SEMA5A: variants seen among roughly 807,000 people sequenced by gnomAD.
The protein encoded by SEMA5A is semaphorin 5A.
Under a neutral mutation model 135.5 loss-of-function variants are expected in SEMA5A, and 55 were observed. The ratio of observed to expected loss-of-function variants is 0.41; its 90% confidence interval spans 0.33 to 0.51. SEMA5A has a LOEUF of 0.51. Ranked by LOEUF, SEMA5A falls within the 20% of genes least tolerant of loss-of-function variation. SEMA5A has a pLI of 0.37. For synonymous variants in SEMA5A, 580 were observed against 546.5 expected (o/e 1.06, Z -0.85); for missense variants, 1,290 against 1,419.9 (o/e 0.91, Z 1.47).
rs786844 is a variant in SEMA5A, at chr5:9,040,001, C to G, written c.*2896G>C. 0.77 allele frequency: 116,436 copies of G among 152,176 alleles called. 44,818 individuals are homozygous for G. Among genetic ancestry groups the G allele is most frequent in the East Asian group, 0.95 (4,897 of 5,178 alleles). The allele number at this position is 152,176 out of a possible 1,614,324, so 9.4% of individuals were successfully genotyped here. A position where few individuals can be genotyped will look rare whatever the true frequency, so the allele number is the denominator to read the frequency against. On this transcript the variant is annotated 3_prime_UTR_variant, in exon 23 of 23. Coordinates refer to ENST00000382496, the MANE Select transcript of SEMA5A (RefSeq NM_003966.3). ...TTTAAATGTAAGACTAAAGCCAAGCCAGCTTCCTCATGAAAACCAGCCTAT... is the reference window on the plus strand; with the variant it reads ...TTTAAATGTAAGACTAAAGCCAAGCGAGCTTCCTCATGAAAACCAGCCTAT...
intron 2 of SEMA5A, among the ~76,000 whole-genome samples, chr5:9,405,981 T>C (rs1031986800): frequency 6.6e-6 from 1 of 152,158 alleles, no homozygotes; most frequent in African/African-American, 2.4e-5. Context: ...GGGACCTGTC[T>C]TTACCCAACA....
intron 1 of SEMA5A, among the ~76,000 whole-genome samples, chr5:9,441,917 C>T (rs3822796): frequency 0.18 from 28,093 of 152,116 alleles, 2,925 homozygotes; most frequent in African/African-American, 0.28. Context: ...CAAAGGAAGG[C>T]AGAGTCACTG....
chr5:9,140,274 A>AT, intron 12 of SEMA5A, among the ~76,000 whole-genome samples: 1 of 152,356 alleles, frequency 6.6e-6, no homozygotes, highest in Admixed American at 6.5e-5. Flanking sequence ...ACACATAAAA[A>AT]TTTTCTCAAT....
intron 1 of SEMA5A, among the ~76,000 whole-genome samples, chr5:9,473,383 T>TAAAAAAAAAAAA (rs58137756): frequency 1.3e-5 from 1 of 79,700 alleles, no homozygotes. Flanking sequence ...CAATCAGTGG[T>TAAAAAAAAAAAA]AAAAAAAAAA....
intron 16 of SEMA5A, among the ~76,000 whole-genome samples, chr5:9,104,198 G>C (rs1179684421): frequency 6.6e-6 from 1 of 152,104 alleles, no homozygotes; most frequent in Admixed American, 6.5e-5. Context: ...TTCTCAGGCT[G>C]ATTTTTTTTC....
chr5:9,198,172 T>C (rs1745520690), intron 9 of SEMA5A, among the ~76,000 whole-genome samples: 1 of 152,204 alleles, frequency 6.6e-6, no homozygotes, highest in African/African-American at 2.4e-5. Flanking sequence ...GCATTTCTCA[T>C]CAATTTTCTT....
At chr5:9,311,925 T>C (rs1752155204) in intron 5 of SEMA5A, among the ~76,000 whole-genome samples, 1 of 152,084 alleles carries the variant, frequency 6.6e-6, no homozygotes, top group Non-Finnish European at 1.5e-5. Context: ...ATCCCAGCAT[T>C]TGTGAGTGAG....
At chr5:9,524,559 G>T (rs1436665694) in intron 1 of SEMA5A, among the ~76,000 whole-genome samples, 1 of 152,148 alleles carries the variant, frequency 6.6e-6, no homozygotes, top group African/African-American at 2.4e-5. Context: ...GAACCAATCT[G>T]CTAACAACTT....
intron 16 of SEMA5A, among the ~76,000 whole-genome samples, chr5:9,107,380 T>C (rs1008463284): frequency 8.6e-5 from 13 of 151,394 alleles, no homozygotes; most frequent in Non-Finnish European, 1.6e-4. Context: ...AAAAAAAACA[T>C]GCATTCTCTT....
At chr5:9,209,964 C>T (rs1448609520) in intron 8 of SEMA5A, among the ~76,000 whole-genome samples, 1 of 152,208 alleles carries the variant, frequency 6.6e-6, no homozygotes, top group Admixed American at 6.5e-5. Flanking sequence ...CACTAGGAAA[C>T]TGCTAGAATC....
chr5:9,318,317 C>T, intron 5 of SEMA5A, 55 bp downstream of exon 5: 1 of 1,528,068 alleles, frequency 6.5e-7, no homozygotes, highest in East Asian at 2.2e-5. Flanking sequence ...TCCCCTCAAA[C>T]AGTGAGTTAA....
chr5:9,048,204 A>AACAC (rs1207529508), intron 21 of SEMA5A, among the ~76,000 whole-genome samples: 2 of 152,108 alleles, frequency 1.3e-5, no homozygotes, highest in Non-Finnish European at 2.9e-5. Flanking sequence ...GAGCCTCCCG[A>AACAC]ACACAATGCT....
At chr5:9,265,085 T>A (rs999090729) in intron 5 of SEMA5A, among the ~76,000 whole-genome samples, 5 of 152,218 alleles carry the variant, frequency 3.3e-5, no homozygotes, top group Non-Finnish European at 5.9e-5. Context: ...CTATGTGGAT[T>A]GAATGACTGA....
intron 2 of SEMA5A, among the ~76,000 whole-genome samples, chr5:9,384,589 TAG>T (rs1199768230): frequency 3.3e-5 from 4 of 122,704 alleles, no homozygotes; most frequent in African/African-American, 1.2e-4. Flanking sequence ...GATAGATAGA[TAG>T]ATAGATAGAT....
At chr5:9,216,152 A>G (rs1746611074) in intron 8 of SEMA5A, among the ~76,000 whole-genome samples, 1 of 152,166 alleles carries the variant, frequency 6.6e-6, no homozygotes, top group Non-Finnish European at 1.5e-5. Context: ...ACACTCCCTT[A>G]GCTGTGTCCC....
intron 4 of SEMA5A, among the ~76,000 whole-genome samples, chr5:9,321,549 T>C (rs1209517228): frequency 6.6e-6 from 1 of 152,230 alleles, no homozygotes; most frequent in Non-Finnish European, 1.5e-5. Context: ...AGTCTTTTCA[T>C]CTGTAAAATG....
rs73045634 is a variant in SEMA5A at position 9,115,851 on chromosome 5, C to A, written c.1925+3147G>T. On this transcript the variant is annotated intron_variant, in intron 15 of 22. Transcript: ENST00000382496. Reference sequence around the variant, plus strand: ...TGGAGGCCTGTGTCTTACTTCCAAACAACAGAATATGGCAAAGGGGTGAGA... The same window carrying A: ...TGGAGGCCTGTGTCTTACTTCCAAAAAACAGAATATGGCAAAGGGGTGAGA... Among the ~76,000 whole-genome samples, 769 of 152,248 alleles carry A rather than the reference C, an allele frequency of 5.1e-3. 6 individuals carry two copies. The highest frequency in any genetic ancestry group is 0.024 in the East Asian group (122 of 5,184).
chr5:9,445,325 A>C (rs1758391538), intron 1 of SEMA5A, among the ~76,000 whole-genome samples: 2 of 152,102 alleles, frequency 1.3e-5, no homozygotes, highest in South Asian at 4.2e-4. Context: ...ATATTTACCA[A>C]GAACATTTAA....
intron 11 of SEMA5A, among the ~76,000 whole-genome samples, chr5:9,189,079 A>G (rs911433532): frequency 1.3e-5 from 2 of 152,198 alleles, no homozygotes; most frequent in African/African-American, 4.8e-5. Flanking sequence ...CATCTGGCTC[A>G]TTGGTTGTTT....
Sources: gnomAD v4.1 joint callset for allele counts (sites outside exome capture counted in the v4.1 genomes callset) on GRCh38, gnomAD v4.1.1 for gene constraint, MANE v1.5 for transcripts, NCBI Gene and HGNC (gene_info 2026-07-23, HGNC 2026-07-21) for gene names.